Variants in LRTM1 observed in about 807,000 individuals in gnomAD.
The protein encoded by LRTM1 is leucine rich repeat transmembrane protein 1.
A neutral mutation model predicts 32.4 loss-of-function variants in LRTM1; 38 were observed. That is an observed-to-expected ratio of 1.17 (90% confidence interval 0.91 to 1.54). The LOEUF is 1.54. Among genes scored for constraint, LRTM1 ranks in the 40% most tolerant of loss-of-function variants. LRTM1 has a pLI of 0.00. For synonymous variants in LRTM1, 186 were observed against 169.9 expected, an observed-to-expected ratio of 1.09 and a Z score of -0.74; for missense variants, 466 against 415.4, an observed-to-expected ratio of 1.12 and a Z score of -1.06.
chr3:54,964,328 G>A (rs1287691090), intron 1 of LRTM1, among the ~76,000 whole-genome samples: 1 of 152,172 alleles, frequency 6.6e-6, no homozygotes, highest in Admixed American at 6.5e-5. Flanking sequence ...TCAAATTGAA[G>A]TAAGGAGCAC....
At chr3:54,929,434 T>C (rs116180761), upstream of LRTM1, among the ~76,000 whole-genome samples, 1,360 of 152,328 alleles carry the variant, frequency 8.9e-3, 13 homozygotes, top group Non-Finnish European at 0.015. Context: ...CGTGCCACTC[T>C]GCAGGTACAA....
chr3:54,924,897 GAATTCTGGGTTAGATTTAAAACCTGC>G lies in LRTM1; in HGVS notation c.300_325del (p.Leu100PhefsTer20). The G allele has an allele frequency of 2.5e-6, 4 of 1,613,760 alleles. No homozygotes were observed. Among genetic ancestry groups the G allele is most frequent in the Non-Finnish European group, 3.4e-6 (4 of 1,179,720 alleles). ...AAGTCTGCTTTCCAGGGAAAGGAGT[GAATTCTGGGTTAGATTTAAAACCTGC>G]AAGTGCTGAAGCCCATGGAAAGCTC... On this transcript the variant is annotated frameshift_variant, in exon 2 of 3. Coordinates refer to ENST00000273286, the MANE Select transcript of LRTM1 (RefSeq NM_020678.4). LOFTEE classifies it high-confidence loss of function.
In LRTM1 at chr3:54,927,792, C is replaced by T; in HGVS notation, c.7+113G>A. 3.6e-6 allele frequency: 4 copies of T among 1,117,970 alleles called. No individual in the cohort carries two copies. The South Asian group carries it at 5.0e-5, about 14-fold the overall frequency. 69.3% of individuals were successfully genotyped at this position (1,117,970 alleles called of 1,614,324 possible). On this transcript the variant is annotated intron_variant, in intron 1 of 2. Coordinates refer to ENST00000273286, the MANE Select transcript of LRTM1 (RefSeq NM_020678.4). The stretch of plus-strand genomic sequence containing the variant: ...TGCAGAGACATTTTTCATATCTGTC[C>T]AGTCTTTTAAGACAGACGACTTGAA...
chr3:54,945,966 A>G (rs1166507623), intron 1 of LRTM1, among the ~76,000 whole-genome samples: 1 of 152,192 alleles, frequency 6.6e-6, no homozygotes, highest in African/African-American at 2.4e-5. Flanking sequence ...TGCTCTTCAC[A>G]AGAGTTCTTT....
intron 1 of LRTM1, among the ~76,000 whole-genome samples, chr3:54,960,092 AC>A (rs1034655414): frequency 2.0e-5 from 3 of 148,774 alleles, no homozygotes; most frequent in Admixed American, 6.6e-5. Flanking sequence ...AAAAAAAAAA[AC>A]CAAAGTGATT....
At chr3:54,965,199 A>G (rs1177128170) in intron 1 of LRTM1, among the ~76,000 whole-genome samples, 1 of 151,834 alleles carries the variant, frequency 6.6e-6, no homozygotes, top group Non-Finnish European at 1.5e-5. Context: ...AACTTTATTT[A>G]CAAAAAGAGG....
intron 1 of LRTM1, among the ~76,000 whole-genome samples, chr3:54,958,064 G>T (rs1487969636): frequency 6.6e-6 from 1 of 152,244 alleles, no homozygotes; most frequent in Admixed American, 6.5e-5. Context: ...GTGCCTGCCT[G>T]TGCTGGTAGC....
intron 1 of LRTM1, among the ~76,000 whole-genome samples, chr3:54,963,740 C>T (rs909120865): frequency 2.6e-5 from 4 of 152,182 alleles, no homozygotes; most frequent in African/African-American, 9.7e-5. Context: ...GATTTGACTG[C>T]CCTCCCCAGG....
intron 1 of LRTM1, among the ~76,000 whole-genome samples, chr3:54,938,251 G>A (rs753956762): frequency 2.6e-5 from 4 of 152,226 alleles, no homozygotes; most frequent in Non-Finnish European, 5.9e-5. Context: ...ATTTCCTCCT[G>A]TGAGTTTGTG....
chr3:54,919,629 T>G (rs1176461216), intron 2 of LRTM1, among the ~76,000 whole-genome samples: 5 of 152,216 alleles, frequency 3.3e-5, no homozygotes, highest in African/African-American at 4.8e-5. Context: ...GGTCATTCTT[T>G]CCTAGAGAGA....
rs10716957 is a variant in LRTM1 at position 54,960,076 on chromosome 3, CAA to C, written c.-222+6850_-222+6851del. ...ACAGTTCCGAGAAGCTCTGACAGGACAAAAAAAAAAAAAAAACCAAAGTGATT... is the reference window on the plus strand; with the variant it reads ...ACAGTTCCGAGAAGCTCTGACAGGACAAAAAAAAAAAAAACCAAAGTGATT... On this transcript the variant is annotated intron_variant, in intron 1 of 2. Transcript: ENST00000493075. Among the ~76,000 whole-genome samples the C allele has an allele frequency of 3.6e-3, 297 of 81,978 alleles. 1 individual carries two copies. Among genetic ancestry groups the C allele is most frequent in the African/African-American group, 8.3e-3 (263 of 31,772 alleles). The allele number at this position is 81,978 out of a possible 152,430, so 53.8% of individuals were successfully genotyped here.
chr3:54,952,011 G>T (rs1701769930), intron 1 of LRTM1, among the ~76,000 whole-genome samples: 1 of 152,076 alleles, frequency 6.6e-6, no homozygotes, highest in South Asian at 2.1e-4. Context: ...ACCATACCTG[G>T]CTAATTTTTG....
chr3:54,950,735 A>C (rs1575401512), intron 1 of LRTM1, among the ~76,000 whole-genome samples: 1 of 152,160 alleles, frequency 6.6e-6, no homozygotes, highest in Non-Finnish European at 1.5e-5. Flanking sequence ...TGGGAAATCC[A>C]TCAGTTGAGC....
rs140343500 is a variant in LRTM1, at chr3:54,925,113, C to A, written c.110G>T (p.Ser37Ile). ...AGGGATTTCGGCCAGACCCTGCTGG[C>A]TGCAGTCTACAAAATTTGTAGATGA... The part of the protein sequence containing the change: ...CQSSTNFVDC[S>I]QQGLAEIPSH... Residue 37 changes from serine (S) to isoleucine (I), a missense_variant, in exon 2 of 3, where the codon AGC (serine) becomes ATC (isoleucine). Physicochemically the swap from Ser to Ile is moderately radical, Grantham distance 142. Coordinates refer to ENST00000273286, the MANE Select transcript of LRTM1 (RefSeq NM_020678.4). 1.7e-5 allele frequency: 28 copies of A among 1,614,120 alleles called. 1 individual carries two copies. In the African/African-American group the frequency reaches 3.5e-4, roughly 20 times the overall value.
In LRTM1 at chr3:54,956,025, T is replaced by A. The variant is rs145574557; in HGVS notation, c.-222+10903A>T. The stretch of plus-strand genomic sequence containing the variant: ...AATGAGAGGGAAAAAAGTGCGTGAT[T>A]ACTCCAGAGTGCCGTCCGCCCCTCC... On this transcript the variant is annotated intron_variant, in intron 1 of 2. Transcript: ENST00000493075. Among the ~76,000 whole-genome samples, 1,116 of 152,334 alleles carry A rather than the reference T, an allele frequency of 7.3e-3. 6 individuals carry two copies. The highest frequency in any genetic ancestry group is 0.012 in the Non-Finnish European group (823 of 68,028).
intron 1 of LRTM1, 91 bp downstream of exon 1, chr3:54,927,814 T>A: frequency 5.7e-6 from 8 of 1,392,314 alleles, no homozygotes; most frequent in Non-Finnish European, 7.2e-6. Flanking sequence ...ACAGACGACT[T>A]GAAAATAGAT....
chr3:54,953,764 G>A, intron 1 of LRTM1, among the ~76,000 whole-genome samples: 1 of 152,130 alleles, frequency 6.6e-6, no homozygotes, highest in Non-Finnish European at 1.5e-5. Flanking sequence ...TTGACAGGCT[G>A]TGGGAATCAC....
At chr3:54,945,763 T>C (rs1011675794) in intron 1 of LRTM1, among the ~76,000 whole-genome samples, 1 of 152,124 alleles carries the variant, frequency 6.6e-6, no homozygotes, top group African/African-American at 2.4e-5. Flanking sequence ...ATTATAGGTG[T>C]CCTGGGCCAT....
intron 1 of LRTM1, among the ~76,000 whole-genome samples, chr3:54,944,396 G>GTATGTATT (rs1553924822): frequency 2.7e-5 from 4 of 148,538 alleles, no homozygotes; most frequent in African/African-American, 1.0e-4. Flanking sequence ...ATTTCCCAGG[G>GTATGTATT]TATTTATTTA....
Sources: allele counts gnomAD v4.1 joint callset (sites outside exome capture counted in the v4.1 genomes callset), GRCh38; gene constraint gnomAD v4.1.1; transcripts MANE v1.5; gene names NCBI Gene and HGNC (gene_info 2026-07-23, HGNC 2026-07-21).